The following NCALD variants were observed in gnomAD, a reference collection of about 807,000 sequenced individuals.
The protein encoded by NCALD is neurocalcin-delta.
Under a neutral mutation model 18.6 loss-of-function variants are expected in NCALD, and 10 were observed. The ratio of observed to expected loss-of-function variants is 0.54; its 90% CI spans 0.33 to 0.91. The LOEUF is 0.91. Ranked by LOEUF, NCALD falls within the 40% of genes least tolerant of loss-of-function variation. The pLI, the probability that NCALD is intolerant of heterozygous loss-of-function variation, is 0.03. For synonymous variants in NCALD, 88 were observed against 87.4 expected (o/e 1.01, Z -0.04); for missense variants, 184 against 247.6 (o/e 0.74, Z 1.72).
intron 4 of NCALD, among the ~76,000 whole-genome samples, chr8:101,818,325 T>C (rs1262710942): frequency 2.0e-5 from 3 of 152,162 alleles, no homozygotes; most frequent in Admixed American, 6.5e-5. Flanking sequence ...GCACTGAGTG[T>C]TTCATGCAAA....
intron 2 of NCALD, among the ~76,000 whole-genome samples, chr8:101,995,690 C>T (rs1821214270): frequency 1.3e-5 from 2 of 152,300 alleles, no homozygotes; most frequent in South Asian, 4.1e-4. Context: ...TCCCACCAGG[C>T]CCCACCTTCA....
intron 2 of NCALD, among the ~76,000 whole-genome samples, chr8:101,954,641 G>A (rs1352600288): frequency 6.6e-6 from 1 of 152,216 alleles, no homozygotes; most frequent in African/African-American, 2.4e-5. Context: ...GGGAGGAGAA[G>A]AGAGGATTGA....
At chr8:101,713,276 A>C (rs1469886363) in intron 2 of NCALD, among the ~76,000 whole-genome samples, 4 of 152,242 alleles carry the variant, frequency 2.6e-5, no homozygotes, top group Non-Finnish European at 4.4e-5. Context: ...CAGCTACAGC[A>C]GTGTTTAGAG....
rs918416303 is a variant in NCALD, at chr8:101,872,463, T to C, written c.-20+14678A>G. The C allele has an allele frequency of 7.6e-5, 70 of 922,068 alleles. 1 individual carries two copies. The highest frequency in any genetic ancestry group is 1.2e-4 in the Non-Finnish European group (67 of 555,332). The allele number at this position is 922,068 out of a possible 1,614,324, so 57.1% of individuals were successfully genotyped here. A position where few individuals can be genotyped will look rare whatever the true frequency, so the allele number is the denominator to read the frequency against. Reference sequence around the variant, plus strand: ...GCTGCTCCTCTTCTGCCTTCTCTTCTGATTCTTTTATACTTTCCTTGGTGG... The same window carrying C: ...GCTGCTCCTCTTCTGCCTTCTCTTCCGATTCTTTTATACTTTCCTTGGTGG... On this transcript the variant is annotated intron_variant, in intron 4 of 6. Coordinates refer to the NCALD transcript ENST00000311028.
At chr8:101,769,472 TA>T (rs1811492407) in intron 1 of NCALD, among the ~76,000 whole-genome samples, 1 of 152,184 alleles carries the variant, frequency 6.6e-6, no homozygotes, top group South Asian at 2.1e-4. Context: ...TTTCCAAACC[TA>T]ATAGACCATA....
intron 2 of NCALD, among the ~76,000 whole-genome samples, chr8:101,957,283 G>A (rs1819662535): frequency 2.3e-5 from 3 of 132,026 alleles, no homozygotes; most frequent in African/African-American, 2.9e-5. Flanking sequence ...AAAAAGAAAA[G>A]TTGGGGTTTT....
At chr8:101,962,926 A>C (rs116204550) in intron 2 of NCALD, among the ~76,000 whole-genome samples, 29 of 150,880 alleles carry the variant, frequency 1.9e-4, no homozygotes, top group African/African-American at 7.2e-4. Context: ...AAAAACAAAC[A>C]AAAAAAACAA....
rs34381236 is a variant in NCALD, at chr8:102,034,015, TACAC to T, written c.-209-13730_-209-13727del. On this transcript the variant is annotated intron_variant, in intron 1 of 6. Coordinates refer to the NCALD transcript ENST00000311028. ...TTGCTCTCTCTCTCCTCCCTCTAAA[TACAC>T]ACACACACACACACACACACACACA... Among the ~76,000 whole-genome samples, 342 of 147,518 alleles carry T rather than the reference TACAC, an allele frequency of 2.3e-3. 3 individuals carry two copies. Among genetic ancestry groups the T allele is most frequent in the South Asian group, 0.013 (59 of 4,528 alleles).
At chr8:101,798,245 A>C (rs1025617061) in intron 4 of NCALD, among the ~76,000 whole-genome samples, 1 of 152,214 alleles carries the variant, frequency 6.6e-6, no homozygotes, top group Admixed American at 6.5e-5. Context: ...ATGATTATCT[A>C]TATAGGAAAC....
At chr8:102,072,133 G>A (rs1444503011) in intron 1 of NCALD, among the ~76,000 whole-genome samples, 2 of 152,102 alleles carry the variant, frequency 1.3e-5, no homozygotes, top group Non-Finnish European at 2.9e-5. Flanking sequence ...CACTTTATAA[G>A]AGCAGATATC....
At chr8:102,043,943 G>A (rs1008079061) in intron 1 of NCALD, among the ~76,000 whole-genome samples, 1 of 151,804 alleles carries the variant, frequency 6.6e-6, no homozygotes, top group Non-Finnish European at 1.5e-5. Context: ...AAGGACTCTG[G>A]TTACATTCTT....
intron 4 of NCALD, among the ~76,000 whole-genome samples, chr8:101,805,300 T>C (rs550737272): frequency 3.6e-4 from 55 of 152,278 alleles, no homozygotes; most frequent in Non-Finnish European, 6.3e-4. Context: ...TGGCCTCCTT[T>C]TCCCATTAGC....
At chr8:101,935,648 T>C (rs1159332960) in intron 2 of NCALD, among the ~76,000 whole-genome samples, 1 of 151,870 alleles carries the variant, frequency 6.6e-6, no homozygotes, top group Non-Finnish European at 1.5e-5. Context: ...GGTGGAGCAG[T>C]GGGGAGGTAA....
intron 1 of NCALD, among the ~76,000 whole-genome samples, chr8:101,780,592 A>T (rs28433593): frequency 6.6e-6 from 1 of 152,032 alleles, no homozygotes. Context: ...AGTGAGTTTA[A>T]TGGGGTTGGA....
chr8:101,969,135 A>G (rs1315762078), intron 2 of NCALD, among the ~76,000 whole-genome samples: 3 of 152,216 alleles, frequency 2.0e-5, no homozygotes, highest in Non-Finnish European at 2.9e-5. Flanking sequence ...TCTCCATTAA[A>G]TCTGGTGACA....
chr8:102,011,232 T>C (rs1303005564), intron 2 of NCALD, among the ~76,000 whole-genome samples: 3 of 152,218 alleles, frequency 2.0e-5, no homozygotes, highest in African/African-American at 7.2e-5. Context: ...AAATACACCT[T>C]GGTCTCCTTC....
intron 2 of NCALD, among the ~76,000 whole-genome samples, chr8:101,718,160 C>T (rs1816175873): frequency 6.6e-6 from 1 of 152,192 alleles, no homozygotes; most frequent in African/African-American, 2.4e-5. Context: ...AGCCTGGAAA[C>T]ACTGTGGGCC....
intron 2 of NCALD, among the ~76,000 whole-genome samples, chr8:101,974,840 T>C (rs183914853): frequency 6.6e-6 from 1 of 152,072 alleles, no homozygotes; most frequent in Non-Finnish European, 1.5e-5. Context: ...GGACAGGAAA[T>C]GGAAAAATAG....
intron 1 of NCALD, among the ~76,000 whole-genome samples, chr8:101,787,152 G>T (rs1482982224): frequency 6.6e-6 from 1 of 152,118 alleles, no homozygotes; most frequent in Admixed American, 6.6e-5. Flanking sequence ...TGGATTTTAT[G>T]AAAAATAATG....
Sources: allele counts gnomAD v4.1 joint callset (sites outside exome capture counted in the v4.1 genomes callset), GRCh38; gene constraint gnomAD v4.1.1; transcripts MANE v1.5; gene names NCBI Gene and HGNC (gene_info 2026-07-23, HGNC 2026-07-21).